LRRC4C: variants seen among roughly 807,000 people sequenced by gnomAD.
The protein encoded by LRRC4C is leucine-rich repeat-containing protein 4C.
A neutral mutation model predicts 33.6 loss-of-function variants in LRRC4C; 5 were observed. The observed-to-expected ratio is 0.15, with a 90% CI of 0.08 to 0.31. The LOEUF is 0.31. Ranked by LOEUF, LRRC4C falls within the 10% of genes least tolerant of loss-of-function variation. The probability of loss-of-function intolerance (pLI) is 1.00; values close to 1 mark genes in which losing one functional copy is unlikely to be tolerated. For synonymous variants in LRRC4C, 329 were observed against 302.0 expected, an observed-to-expected ratio of 1.09 and a Z score of -0.93; for missense variants, 560 against 796.7, an observed-to-expected ratio of 0.70 and a Z score of 3.58.
chr11:40,521,403 A>AT (rs1385418680), intron 3 of LRRC4C, among the ~76,000 whole-genome samples: 9 of 152,194 alleles, frequency 5.9e-5, no homozygotes, highest in African/African-American at 2.2e-4. Context: ...TTTTTTGAAT[A>AT]TTATAGTGCT....
chr11:40,904,475 C>T (rs1231089501), intron 2 of LRRC4C, among the ~76,000 whole-genome samples: 3 of 152,066 alleles, frequency 2.0e-5, no homozygotes, highest in Admixed American at 6.6e-5. Context: ...TTTCTTCTCT[C>T]CCGAAATAAA....
intron 1 of LRRC4C, among the ~76,000 whole-genome samples, chr11:41,356,394 A>G (rs1952162768): frequency 1.3e-5 from 2 of 152,164 alleles, no homozygotes; most frequent in Admixed American, 6.6e-5. Context: ...TTCCTCCAGA[A>G]TCCAGGCTGA....
rs1565320786 is a variant in LRRC4C, at chr11:41,034,455, CACCATAT to C, written c.-495-100739_-495-100733del. 4.9e-5 allele frequency among the ~76,000 whole-genome samples: 6 copies of C among 121,216 alleles called. No homozygotes were observed. In the East Asian group the frequency reaches 1.4e-3, roughly 28 times the overall value. The allele number at this position is 121,216 out of a possible 152,430, so 79.5% of individuals were successfully genotyped here. On this transcript the variant is annotated intron_variant, in intron 1 of 6. Coordinates refer to ENST00000528697, the MANE Select transcript of LRRC4C (RefSeq NM_001258419.2). ...CCAAACACACACACACACACACACA[CACCATAT>C]ATATATATGTGTGTATATATATATA...
intron 1 of LRRC4C, among the ~76,000 whole-genome samples, chr11:41,311,730 ATG>A: frequency 6.6e-6 from 1 of 152,242 alleles, no homozygotes; most frequent in East Asian, 1.9e-4. Context: ...CATTTACTAA[ATG>A]ACATTAAATT....
chr11:41,161,398 A>G (rs1453735402), intron 1 of LRRC4C, among the ~76,000 whole-genome samples: 3 of 152,196 alleles, frequency 2.0e-5, no homozygotes, highest in African/African-American at 7.2e-5. Flanking sequence ...CATAACATTC[A>G]TCTTTACACA....
intron 1 of LRRC4C, among the ~76,000 whole-genome samples, chr11:41,407,046 T>C (rs2138171730): frequency 6.6e-6 from 1 of 152,320 alleles, no homozygotes; most frequent in African/African-American, 2.4e-5. Flanking sequence ...TAATATACAT[T>C]GTCAATCAAT....
intron 1 of LRRC4C, among the ~76,000 whole-genome samples, chr11:41,342,482 AG>A (rs959343860): frequency 1.3e-5 from 2 of 152,142 alleles, no homozygotes; most frequent in African/African-American, 4.8e-5. Flanking sequence ...TGGGAGGCTG[AG>A]GGGGGTGGAC....
chr11:40,425,450 G>A (rs538911870), intron 3 of LRRC4C, among the ~76,000 whole-genome samples: 12 of 152,238 alleles, frequency 7.9e-5, no homozygotes, highest in Non-Finnish European at 1.6e-4. Context: ...CCTTACAAAG[G>A]TTCAACACAA....
intron 1 of LRRC4C, among the ~76,000 whole-genome samples, chr11:41,056,937 C>A (rs1455729355): frequency 1.3e-5 from 2 of 152,164 alleles, no homozygotes; most frequent in African/African-American, 4.8e-5. Context: ...AACCCCACCC[C>A]TACTCAGTAG....
At chr11:40,627,105 T>C (rs906430250) in intron 3 of LRRC4C, among the ~76,000 whole-genome samples, 1 of 117,968 alleles carries the variant, frequency 8.5e-6, no homozygotes, top group African/African-American at 3.3e-5. Flanking sequence ...GTTGGTGGGG[T>C]GGGTCAGGTA....
chr11:40,129,438 GC>G (rs1167742904), intron 6 of LRRC4C, among the ~76,000 whole-genome samples: 6 of 152,046 alleles, frequency 3.9e-5, no homozygotes, highest in African/African-American at 1.2e-4. Flanking sequence ...ATCAGTAGCA[GC>G]CCTGTTTTAT....
At chr11:40,155,890 C>T (rs1051084984) in intron 5 of LRRC4C, among the ~76,000 whole-genome samples, 5 of 152,036 alleles carry the variant, frequency 3.3e-5, no homozygotes, top group Admixed American at 1.3e-4. Flanking sequence ...CAGGAAAGGA[C>T]ACAACCAAAA....
At chr11:40,732,772 C>T (rs185216276) in intron 2 of LRRC4C, among the ~76,000 whole-genome samples, 117 of 152,232 alleles carry the variant, frequency 7.7e-4, no homozygotes, top group Middle Eastern at 6.8e-3. Context: ...ATTAAAAACC[C>T]CAACTACCAG....
chr11:40,793,075 A>G (rs1950691069), intron 2 of LRRC4C, among the ~76,000 whole-genome samples: 1 of 152,108 alleles, frequency 6.6e-6, no homozygotes, highest in African/African-American at 2.4e-5. Flanking sequence ...AACATGGCAC[A>G]TGTATACATA....
chr11:41,025,962 A>G (rs905080025), intron 1 of LRRC4C, among the ~76,000 whole-genome samples: 1 of 151,718 alleles, frequency 6.6e-6, no homozygotes, highest in Non-Finnish European at 1.5e-5. Context: ...TCAAAATATT[A>G]CTGTTCATTG....
At chr11:40,381,613 C>T (rs1157766692) in intron 3 of LRRC4C, among the ~76,000 whole-genome samples, 1 of 152,068 alleles carries the variant, frequency 6.6e-6, no homozygotes, top group Admixed American at 6.6e-5. Flanking sequence ...CTGGAGTTCA[C>T]AGAAATATGC....
intron 2 of LRRC4C, among the ~76,000 whole-genome samples, chr11:40,921,545 G>T (rs1218356482): frequency 6.6e-6 from 1 of 152,020 alleles, no homozygotes; most frequent in Non-Finnish European, 1.5e-5. Context: ...CTTCAGTTTA[G>T]CTCAGTAAGA....
At chr11:40,186,840 TC>T (rs965490854) in intron 5 of LRRC4C, among the ~76,000 whole-genome samples, 46 of 152,254 alleles carry the variant, frequency 3.0e-4, no homozygotes, top group Middle Eastern at 6.8e-3. Context: ...GGATTTGGTT[TC>T]CCCCTTTAAG....
Position 40,412,098 on chromosome 11 carries a change from T to C in LRRC4C, c.-269-92377A>G, listed in dbSNP as rs143501586. Among the ~76,000 whole-genome samples the C allele has an allele frequency of 9.6e-3, 1,457 of 152,204 alleles. 12 individuals are homozygous for C. Among genetic ancestry groups the C allele is most frequent in the South Asian group, 0.022 (107 of 4,832 alleles). On this transcript the variant is annotated intron_variant, in intron 3 of 6. Coordinates refer to ENST00000528697, the MANE Select transcript of LRRC4C (RefSeq NM_001258419.2). Reference sequence around the variant, plus strand: ...AAACTCTTATTTTGCTATGATGGCATGTCTATATTTAAGCCATATTTTTAG... The same window carrying C: ...AAACTCTTATTTTGCTATGATGGCACGTCTATATTTAAGCCATATTTTTAG...
Sources: gnomAD v4.1 joint callset for allele counts (sites outside exome capture counted in the v4.1 genomes callset) on GRCh38, gnomAD v4.1.1 for gene constraint, MANE v1.5 for transcripts, NCBI Gene and HGNC (gene_info 2026-07-23, HGNC 2026-07-21) for gene names.